KMO: variants seen among roughly 807,000 people sequenced by gnomAD.
KMO encodes kynurenine 3-hydroxylase.
In KMO, 24 loss-of-function variants were observed where a neutral mutation model predicts 57.8. The ratio of observed to expected loss-of-function variants is 0.42; its 90% CI spans 0.30 to 0.58. The LOEUF is 0.58. Among genes scored for constraint, KMO ranks in the 20% least tolerant of loss-of-function variants. The probability of loss-of-function intolerance (pLI) is 0.22; values close to 1 mark genes in which losing one functional copy is unlikely to be tolerated. For missense variants in KMO, 483 were observed against 588.2 expected (o/e 0.82, Z 1.85); for synonymous variants, 210 against 193.6 (o/e 1.08, Z -0.70).
At chr1:241,541,613 T>G (rs1401600879) in intron 1 of KMO, among the ~76,000 whole-genome samples, 7 of 152,170 alleles carry the variant, frequency 4.6e-5, no homozygotes, top group African/African-American at 1.4e-4. Flanking sequence ...GACCACTGCT[T>G]GGCTTTAGAG....
At position 241,532,603 on chromosome 1, in the gene KMO, G is replaced by A. The variant is rs1011934200; in HGVS notation, c.54+105G>A. ...TTCTGCAAATTGTTAATTTTCTTGT[G>A]AAAACTCTGATATTTAAATACAGCT... is the stretch of plus-strand genomic sequence containing the variant. On this transcript the variant is annotated intron_variant, in intron 1 of 14. Transcript: ENST00000366559. 58 of 814,088 alleles carry A rather than the reference G, an allele frequency of 7.1e-5. No homozygotes were observed. The African/African-American group carries it at 8.6e-4, about 12-fold the overall frequency. 50.4% of individuals were successfully genotyped at this position (814,088 alleles called of 1,614,324 possible).
chr1:241,564,921 G>C (rs1322271042), intron 7 of KMO, 66 bp from the exon 8 acceptor site: 10 of 966,692 alleles, frequency 1.0e-5, no homozygotes, highest in Non-Finnish European at 1.7e-5. Flanking sequence ...CTATTATAAA[G>C]CTGAGTCCGT....
At chr1:241,545,780 T>A (rs147699297) in intron 1 of KMO, among the ~76,000 whole-genome samples, 2 of 152,162 alleles carry the variant, frequency 1.3e-5, no homozygotes, top group Non-Finnish European at 1.5e-5. Context: ...GCCCAGGAAA[T>A]CTTTTTTTAG....
At chr1:241,570,001 TAATC>T (rs1662218108) in intron 10 of KMO, among the ~76,000 whole-genome samples, 1 of 152,048 alleles carries the variant, frequency 6.6e-6, no homozygotes, top group Admixed American at 6.6e-5. Flanking sequence ...ATTATTTTAA[TAATC>T]AGGTATTATC....
At chr1:241,554,816 C>CAAAAA (rs11398893) in intron 4 of KMO, among the ~76,000 whole-genome samples, 7 of 118,396 alleles carry the variant, frequency 5.9e-5, no homozygotes, top group South Asian at 2.8e-4. Context: ...ACTAAAAATA[C>CAAAAA]AAAAAAAAAA....
At chr1:241,542,473 T>C (rs34554438) in intron 1 of KMO, among the ~76,000 whole-genome samples, 44,519 of 152,106 alleles carry the variant, frequency 0.29, 7,606 homozygotes, top group Non-Finnish European at 0.39. Flanking sequence ...CACAAACAGG[T>C]TAGACTGGTT....
At chr1:241,562,138 T>C (rs1219706317) in intron 6 of KMO, 29 bp from the exon 7 acceptor site, 3 of 1,604,250 alleles carry the variant, frequency 1.9e-6, no homozygotes, top group Non-Finnish European at 2.6e-6. Context: ...GACATATTTT[T>C]CTTTTGGATG....
At chr1:241,532,529 G>C in intron 1 of KMO, 31 bp downstream of exon 1, 1 of 1,516,666 alleles carries the variant, frequency 6.6e-7, no homozygotes. Flanking sequence ...TACTATTGTT[G>C]GTGGTATTAT....
At chr1:241,566,184 C>T (rs968792705) in intron 8 of KMO, among the ~76,000 whole-genome samples, 6 of 152,038 alleles carry the variant, frequency 3.9e-5, no homozygotes, top group African/African-American at 1.5e-4. Flanking sequence ...CCGGCCTGGG[C>T]AACAGAGTGA....
At chr1:241,583,267 T>C (rs1662828381) in intron 10 of KMO, among the ~76,000 whole-genome samples, 1 of 152,160 alleles carries the variant, frequency 6.6e-6, no homozygotes, top group Non-Finnish European at 1.5e-5. Flanking sequence ...TACTGTGTCT[T>C]GCCTAATGCC....
intron 4 of KMO, 80 bp from the exon 5 acceptor site, chr1:241,555,532 T>G: frequency 3.9e-6 from 3 of 763,406 alleles, no homozygotes; most frequent in South Asian, 1.7e-5. Flanking sequence ...ATAAATATGT[T>G]TTATTGCTGA....
At chr1:241,587,041 T>C (rs1160504179) in intron 11 of KMO, among the ~76,000 whole-genome samples, 1 of 152,110 alleles carries the variant, frequency 6.6e-6, no homozygotes, top group African/African-American at 2.4e-5. Flanking sequence ...CTTTTCAGCC[T>C]AGGTAACACC....
At chr1:241,565,692 C>G (rs1167305128) in intron 8 of KMO, among the ~76,000 whole-genome samples, 1 of 151,890 alleles carries the variant, frequency 6.6e-6, no homozygotes, top group Non-Finnish European at 1.5e-5. Context: ...CCATTGCATT[C>G]CAGCCTGGAC....
At position 241,537,009 on chromosome 1, in the gene KMO, T is replaced by C. The variant is rs143524502; in HGVS notation, c.54+4511T>C. ...GTCCCCAAATGGTGTTTCTGTTCTG[T>C]TCTTCTTAGGATTTTTCCACCTCAC... On this transcript the variant is annotated intron_variant, in intron 1 of 14. Coordinates refer to ENST00000366559, the MANE Select transcript of KMO (RefSeq NM_003679.5). Among the ~76,000 whole-genome samples the C allele has an allele frequency of 1.6e-3, 250 of 152,284 alleles. 7 individuals are homozygous for C. In the East Asian group the frequency reaches 0.039, roughly 24 times the overall value.
chr1:241,544,106 T>C (rs1466310005), intron 1 of KMO, among the ~76,000 whole-genome samples: 1 of 152,184 alleles, frequency 6.6e-6, no homozygotes, highest in Non-Finnish European at 1.5e-5. Context: ...TTTTAGGAGA[T>C]GGATGAATGG....
intron 1 of KMO, among the ~76,000 whole-genome samples, chr1:241,547,734 G>A (rs1661201906): frequency 6.6e-6 from 1 of 152,122 alleles, no homozygotes; most frequent in South Asian, 2.1e-4. Flanking sequence ...TAAATTTTCA[G>A]AAGCTGCTGG....
chr1:241,549,118 G>A (rs540243902), intron 2 of KMO, among the ~76,000 whole-genome samples: 11 of 151,374 alleles, frequency 7.3e-5, no homozygotes, highest in South Asian at 2.1e-4. Context: ...GCAGTGAGGC[G>A]AGATCATGCC....
chr1:241,548,266 A>G (rs1294110715), intron 1 of KMO, among the ~76,000 whole-genome samples: 1 of 152,228 alleles, frequency 6.6e-6, no homozygotes, highest in Non-Finnish European at 1.5e-5. Flanking sequence ...CCCCATCTCT[A>G]CAAAAAAACT....
At chr1:241,552,028 G>A (rs1661416624) in intron 4 of KMO, among the ~76,000 whole-genome samples, 3 of 152,084 alleles carry the variant, frequency 2.0e-5, no homozygotes, top group Admixed American at 6.6e-5. Context: ...AGTCATCATA[G>A]CCGCCCCCGC....
Sources: allele counts gnomAD v4.1 joint callset (sites outside exome capture counted in the v4.1 genomes callset), GRCh38; gene constraint gnomAD v4.1.1; transcripts MANE v1.5; gene names NCBI Gene and HGNC (gene_info 2026-07-23, HGNC 2026-07-21).